KRABD5: variants seen among roughly 807,000 people sequenced by gnomAD.
The protein encoded by KRABD5 is KRAB domain containing 5, also known as KRAB domain-containing protein 5.
chr16:31,761,198 G>A, the KRABD5 span: 1 of 152,150 alleles, frequency 6.6e-6, no homozygotes, highest in East Asian at 1.9e-4. Flanking sequence ...TGCAATGCAT[G>A]TTTTTAGCTA....
At chr16:31,736,409 GTTTT>G in the KRABD5 span, among the ~76,000 whole-genome samples, 1 of 136,260 alleles carries the variant, frequency 7.3e-6, no homozygotes. Context: ...TGTACATTTA[GTTTT>G]TTTTTTTTTT....
At chr16:31,748,241 A>G in the KRABD5 span, among the ~76,000 whole-genome samples, 41 of 152,222 alleles carry the variant, frequency 2.7e-4, no homozygotes, top group Non-Finnish European at 5.3e-4. Flanking sequence ...CATTTATTAA[A>G]TAGGGAATCC....
chr16:31,754,991 A>G, the KRABD5 span: 2 of 463,506 alleles, frequency 4.3e-6, no homozygotes, highest in Middle Eastern at 3.3e-4. Context: ...CAAATGTTTT[A>G]CTCATTCTTC....
At chr16:31,753,302 T>A in the KRABD5 span, among the ~76,000 whole-genome samples, 1 of 152,208 alleles carries the variant, frequency 6.6e-6, no homozygotes. Flanking sequence ...CAAGCATTCA[T>A]GTTTGTTCTC....
chr16:31,736,639 T>C, the KRABD5 span, among the ~76,000 whole-genome samples: 8 of 151,350 alleles, frequency 5.3e-5, no homozygotes, highest in Non-Finnish European at 1.0e-4. Flanking sequence ...TGCCTCAGCC[T>C]CCCAAGTAGC....
chr16:31,752,308 T>G, the KRABD5 span, among the ~76,000 whole-genome samples: 1 of 152,216 alleles, frequency 6.6e-6, no homozygotes, highest in Non-Finnish European at 1.5e-5. Context: ...TTAGGTTATG[T>G]GGAATTGATG....
At chr16:31,760,629 G>T in the KRABD5 span, 2 of 151,508 alleles carry the variant, frequency 1.3e-5, no homozygotes, top group African/African-American at 2.4e-5. Flanking sequence ...GCAGCAGGAG[G>T]AAATGTCTCT....
At chr16:31,720,550 A>G in the KRABD5 span, among the ~76,000 whole-genome samples, 1 of 152,310 alleles carries the variant, frequency 6.6e-6, no homozygotes, top group African/African-American at 2.4e-5. Context: ...AAATATGGCC[A>G]CCTGTATGTT....
the KRABD5 span, among the ~76,000 whole-genome samples, chr16:31,740,589 C>T: frequency 6.6e-6 from 1 of 151,296 alleles, no homozygotes; most frequent in African/African-American, 2.4e-5. Flanking sequence ...AGGAGGATCA[C>T]TTGAGGCCAG....
the KRABD5 span, among the ~76,000 whole-genome samples, chr16:31,741,219 G>A: frequency 6.6e-5 from 10 of 152,136 alleles, no homozygotes; most frequent in African/African-American, 2.2e-4. Context: ...CCATTGATGG[G>A]CATCTAGGCT....
chr16:31,734,405 C>T, the KRABD5 span, among the ~76,000 whole-genome samples: 9 of 152,006 alleles, frequency 5.9e-5, no homozygotes, highest in Non-Finnish European at 1.0e-4. Context: ...CATATGCCAC[C>T]GTGCCTGGCT....
At chr16:31,713,928 C>A in the KRABD5 span, among the ~76,000 whole-genome samples, 3 of 152,172 alleles carry the variant, frequency 2.0e-5, no homozygotes, top group Admixed American at 2.0e-4. Context: ...TTTCAAAATC[C>A]CAGGGCTCAG....
the KRABD5 span, chr16:31,759,636 G>T: frequency 2.4e-6 from 1 of 423,810 alleles, no homozygotes; most frequent in Non-Finnish European, 4.4e-6. Context: ...AGTAGTTGAA[G>T]CTGGGGGCAG....
At chr16:31,713,657 G>A in the KRABD5 span, 1 of 623,116 alleles carries the variant, frequency 1.6e-6, no homozygotes, top group Non-Finnish European at 2.7e-6. Context: ...CATGGCCGGA[G>A]CCGTCTTTGG....
the KRABD5 span, among the ~76,000 whole-genome samples, chr16:31,730,554 C>T: frequency 6.6e-6 from 1 of 152,030 alleles, no homozygotes; most frequent in African/African-American, 2.4e-5. Context: ...TTCTTCTTGC[C>T]ATGGGTATTT....
the KRABD5 span, among the ~76,000 whole-genome samples, chr16:31,747,135 AC>A: frequency 7.3e-3 from 699 of 95,982 alleles, 8 homozygotes; most frequent in African/African-American, 0.027. Flanking sequence ...TGCTATCCCT[AC>A]CCCCTCCCCC....
At chr16:31,714,394 C>T in the KRABD5 span, 1 of 456,284 alleles carries the variant, frequency 2.2e-6, no homozygotes, top group Non-Finnish European at 4.4e-6. Context: ...TGGCTGGGCA[C>T]CTGCTCCTGT....
At chr16:31,756,536 A>G in the KRABD5 span, 1 of 152,150 alleles carries the variant, frequency 6.6e-6, no homozygotes, top group Non-Finnish European at 1.5e-5. Flanking sequence ...AATATACTTT[A>G]TATCAATTTT....
chr16:31,714,284 A>T, the KRABD5 span: 2 of 444,694 alleles, frequency 4.5e-6, no homozygotes, highest in Non-Finnish European at 9.0e-6. Context: ...CTGTTGAAGT[A>T]TAAAGTGTAA....
Sources: gnomAD v4.1 joint callset for allele counts (sites outside exome capture counted in the v4.1 genomes callset) on GRCh38, gnomAD v4.1.1 for gene constraint, MANE v1.5 for transcripts, NCBI Gene and HGNC (gene_info 2026-07-23, HGNC 2026-07-21) for gene names.